Variants in ABCA13 observed in about 807,000 individuals in gnomAD.
The protein encoded by ABCA13 is ATP binding cassette subfamily A member 13, also known as ATP-binding cassette sub-family A member 13.
Under a neutral mutation model 478.7 loss-of-function variants are expected in ABCA13, and 476 were observed. The ratio of observed to expected loss-of-function variants is 0.99; its 90% CI spans 0.92 to 1.07. ABCA13 has a LOEUF of 1.07. Among genes scored for constraint, ABCA13 ranks in the 50% least tolerant of loss-of-function variants. ABCA13 has a pLI of 0.00. For synonymous variants in ABCA13, 2,252 were observed against 2,158.9 expected, an observed-to-expected ratio of 1.04 and a Z score of -1.20; for missense variants, 6,060 against 5,910.6, an observed-to-expected ratio of 1.03 and a Z score of -0.83.
intron 53 of ABCA13, among the ~76,000 whole-genome samples, chr7:48,521,808 G>T (rs533412968): frequency 6.6e-6 from 1 of 152,204 alleles, no homozygotes; most frequent in African/African-American, 2.4e-5. Context: ...TTCTCTACAT[G>T]AAGGTTACAG....
chr7:48,527,197 T>C (rs1286008065), intron 54 of ABCA13, among the ~76,000 whole-genome samples: 2 of 152,004 alleles, frequency 1.3e-5, no homozygotes, highest in Non-Finnish European at 2.9e-5. Context: ...CCCTGGAACA[T>C]GGACAGGGTA....
At chr7:48,520,410 AGTTC>A in intron 53 of ABCA13, 116 bp downstream of exon 53, 3 of 1,182,306 alleles carry the variant, frequency 2.5e-6, no homozygotes, top group Non-Finnish European at 2.2e-6. Context: ...CATTATACAT[AGTTC>A]TAATGCGTTA....
chr7:48,318,707 C>G (rs535420775), intron 27 of ABCA13, among the ~76,000 whole-genome samples: 1 of 152,186 alleles, frequency 6.6e-6, no homozygotes, highest in African/African-American at 2.4e-5. Flanking sequence ...ACTGGAGCCT[C>G]TGCGCCATTA....
intron 7 of ABCA13, among the ~76,000 whole-genome samples, chr7:48,232,457 G>A (rs1430554936): frequency 1.3e-5 from 2 of 152,086 alleles, no homozygotes; most frequent in African/African-American, 4.8e-5. Flanking sequence ...TCTCCAGCGA[G>A]TCAAAGCTAA....
At chr7:48,199,520 T>A (rs1042625023) in intron 3 of ABCA13, among the ~76,000 whole-genome samples, 13 of 152,178 alleles carry the variant, frequency 8.5e-5, no homozygotes, top group Non-Finnish European at 1.8e-4. Context: ...TCCAATCACC[T>A]CCGCTATATC....
intron 23 of ABCA13, among the ~76,000 whole-genome samples, chr7:48,302,465 T>C (rs1329879876): frequency 6.6e-6 from 1 of 152,142 alleles, no homozygotes; most frequent in Non-Finnish European, 1.5e-5. Flanking sequence ...TAGTATCCAA[T>C]AGTTATTTTT....
intron 10 of ABCA13, among the ~76,000 whole-genome samples, chr7:48,242,402 C>A (rs576798937): frequency 6.6e-6 from 1 of 152,230 alleles, no homozygotes; most frequent in African/African-American, 2.4e-5. Context: ...GGCCCAAACA[C>A]TGGCTTTGCT....
In ABCA13 at chr7:48,499,592, C is replaced by T. The variant is rs140051940; in HGVS notation, c.13292-6744C>T. On this transcript the variant is annotated intron_variant, in intron 48 of 61. Transcript: ENST00000435803. ...ATAATGAGAACACTAAATGAGAAAACTAATTTTGTACATTCATACATTGCT... is the reference window on the plus strand; with the variant it reads ...ATAATGAGAACACTAAATGAGAAAATTAATTTTGTACATTCATACATTGCT... Among the ~76,000 whole-genome samples, 108 of 152,236 alleles carry T rather than the reference C, an allele frequency of 7.1e-4. No individual in the cohort carries two copies. The East Asian group carries it at 0.018, about 25-fold the overall frequency.
intron 15 of ABCA13, among the ~76,000 whole-genome samples, chr7:48,265,191 T>C (rs1479151717): frequency 6.6e-6 from 1 of 151,708 alleles, no homozygotes; most frequent in Non-Finnish European, 1.5e-5. Context: ...ATCATAGCTT[T>C]ACAGTAAAAC....
At chr7:48,214,195 T>C (rs1038745068) in intron 3 of ABCA13, among the ~76,000 whole-genome samples, 3 of 152,202 alleles carry the variant, frequency 2.0e-5, no homozygotes, top group South Asian at 2.1e-4. Context: ...AGCAGTGATA[T>C]TTTGAAAACA....
Position 48,315,771 on chromosome 7 carries a change from C to A in ABCA13, c.9859+1362C>A, listed in dbSNP as rs566977790. ...GGGATTACAGGCGTGAGCCACTGTG[C>A]CTGGCCTATGTAGTCATATTCTTCA... On this transcript the variant is annotated intron_variant, in intron 26 of 61. Transcript: ENST00000435803. Among the ~76,000 whole-genome samples, 3 of 152,250 alleles carry A rather than the reference C, an allele frequency of 2.0e-5. No individual in the cohort carries two copies. The South Asian group carries it at 6.2e-4, about 32-fold the overall frequency.
chr7:48,241,165 C>T, intron 10 of ABCA13, 99 bp downstream of exon 10: 1 of 1,355,978 alleles, frequency 7.4e-7, no homozygotes, highest in Non-Finnish European at 1.0e-6. Flanking sequence ...TGTAAAACTA[C>T]AGCTAAATAA....
Position 48,240,843 on chromosome 7 carries a change from GT to G in ABCA13, c.1063-23del, listed in dbSNP as rs758516461. On this transcript the variant is annotated intron_variant, in intron 9 of 61. Transcript: ENST00000435803. ...TTCCAATTTGCTATTATTAATGCTA[GT>G]ATTTTGGTTTCCGAATTTGTAGGTG... is the stretch of plus-strand genomic sequence containing the variant. The G allele has an allele frequency of 1.7e-5, 25 of 1,481,248 alleles. No homozygotes were observed. In the African/African-American group the frequency reaches 3.4e-4, roughly 20 times the overall value. The allele number at this position is 1,481,248 out of a possible 1,614,324, so 91.8% of individuals were successfully genotyped here.
chr7:48,331,020 T>C (rs777464725), intron 27 of ABCA13, among the ~76,000 whole-genome samples: 4 of 152,028 alleles, frequency 2.6e-5, no homozygotes, highest in Non-Finnish European at 5.9e-5. Context: ...TCTGCCCCAT[T>C]CCCCTTTGAT....
chr7:48,423,828 T>C (rs1014356000), intron 41 of ABCA13, among the ~76,000 whole-genome samples: 1 of 152,246 alleles, frequency 6.6e-6, no homozygotes, highest in Non-Finnish European at 1.5e-5. Context: ...CTTTGTGTGA[T>C]GAATTTACCT....
intron 55 of ABCA13, among the ~76,000 whole-genome samples, chr7:48,533,327 A>G (rs1432987021): frequency 6.6e-6 from 1 of 152,012 alleles, no homozygotes; most frequent in Non-Finnish European, 1.5e-5. Context: ...GTTGGAGTTG[A>G]TTTCCCATTT....
At chr7:48,345,831 G>A (rs558254179) in intron 29 of ABCA13, among the ~76,000 whole-genome samples, 1 of 152,268 alleles carries the variant, frequency 6.6e-6, no homozygotes, top group Admixed American at 6.5e-5. Flanking sequence ...TTCACTCACT[G>A]CTCACTGCCT....
intron 1 of ABCA13, among the ~76,000 whole-genome samples, chr7:48,174,292 T>G (rs751169567): frequency 8.8e-4 from 133 of 151,104 alleles, no homozygotes; most frequent in Non-Finnish European, 1.5e-3. Flanking sequence ...ACATTTACTG[T>G]TTTTTTTAGC....
At chr7:48,227,466 G>GT (rs1562823194) in intron 6 of ABCA13, 41 bp downstream of exon 6, 7 of 1,589,336 alleles carry the variant, frequency 4.4e-6, no homozygotes, top group East Asian at 4.5e-5. Context: ...TCAATATGTT[G>GT]TTTTTTTACC....
Sources: allele counts gnomAD v4.1 joint callset (sites outside exome capture counted in the v4.1 genomes callset), GRCh38; gene constraint gnomAD v4.1.1; transcripts MANE v1.5; gene names NCBI Gene and HGNC (gene_info 2026-07-23, HGNC 2026-07-21).